CMTM7: variants seen among roughly 807,000 people sequenced by gnomAD.
The protein encoded by CMTM7 is CKLF like MARVEL transmembrane domain containing 7, also known as CKLF-like MARVEL transmembrane domain-containing protein 7.
CMTM7 carries 7 observed loss-of-function variants against 19.3 expected under a neutral mutation model. That is an observed-to-expected ratio of 0.36 (90% CI 0.21 to 0.68). The LOEUF is 0.68. CMTM7 is among the 30% of genes least tolerant of loss of function. The probability of loss-of-function intolerance (pLI) is 0.60; values close to 1 mark genes in which losing one functional copy is unlikely to be tolerated. For missense variants in CMTM7, 193 were observed against 232.6 expected (o/e 0.83, Z 1.11); for synonymous variants, 87 against 99.3 (o/e 0.88, Z 0.74).
chr3:32,401,533 G>A (rs1262285068), intron 1 of CMTM7, among the ~76,000 whole-genome samples: 1 of 152,246 alleles, frequency 6.6e-6, no homozygotes, highest in Non-Finnish European at 1.5e-5. Flanking sequence ...GATTCCCTGT[G>A]TGGGCCGGTG....
intron 1 of CMTM7, 33 bp from the exon 2 acceptor site, chr3:32,441,807 A>G: frequency 6.2e-7 from 1 of 1,604,044 alleles, no homozygotes; most frequent in African/African-American, 1.3e-5. Context: ...GTCTTGGGCA[A>G]GCATTTCTCT....
chr3:32,441,333 G>T (rs993431452), intron 1 of CMTM7, among the ~76,000 whole-genome samples: 2 of 152,212 alleles, frequency 1.3e-5, no homozygotes. Context: ...GCGAGATCAC[G>T]TATGTCAGAC....
intron 1 of CMTM7, among the ~76,000 whole-genome samples, chr3:32,440,070 TACACACACACACACAC>T (rs10526471): frequency 0.14 from 20,894 of 150,068 alleles, 1,584 homozygotes; most frequent in Middle Eastern, 0.18. Flanking sequence ...ACCACACGCA[TACACACACACACACAC>T]ACACACACAC....
At chr3:32,442,154 T>C in intron 2 of CMTM7, 141 bp downstream of exon 2, 3 of 753,788 alleles carry the variant, frequency 4.0e-6, no homozygotes, top group Non-Finnish European at 6.4e-6. Flanking sequence ...AATTTCCTAT[T>C]GTTTGGTGGA....
intron 2 of CMTM7, among the ~76,000 whole-genome samples, chr3:32,443,703 G>A (rs76286294): frequency 0.017 from 2,557 of 152,276 alleles, 75 homozygotes; most frequent in African/African-American, 0.056. Context: ...GAAGGTTCCA[G>A]TTTCACAACA....
Position 32,391,899 on chromosome 3 carries a change from G to T in CMTM7, c.-8G>T, listed in dbSNP as rs940561578. ...CCGGGGAGGCGGCCAGCGAGCTGGGGCCGCGCAATGTCGCACGGAGCCGGG... is the reference window on the plus strand; with the variant it reads ...CCGGGGAGGCGGCCAGCGAGCTGGGTCCGCGCAATGTCGCACGGAGCCGGG... On this transcript the variant is annotated 5_prime_UTR_variant, in exon 1 of 5. Coordinates refer to ENST00000334983, the MANE Select transcript of CMTM7 (RefSeq NM_138410.4). 9 of 1,218,296 alleles carry T rather than the reference G, an allele frequency of 7.4e-6. No homozygotes were observed. Among genetic ancestry groups the T allele is most frequent in the Admixed American group, 8.6e-5 (2 of 23,132 alleles). 75.5% of individuals were successfully genotyped at this position (1,218,296 alleles called of 1,614,324 possible). A position where few individuals can be genotyped will look rare whatever the true frequency, so the allele number is the denominator to read the frequency against.
intron 1 of CMTM7, among the ~76,000 whole-genome samples, chr3:32,403,927 G>GA (rs2125621467): frequency 6.6e-6 from 1 of 152,220 alleles, no homozygotes; most frequent in African/African-American, 2.4e-5. Flanking sequence ...CTGGAGTGGG[G>GA]AAAACTCCTC....
intron 1 of CMTM7, among the ~76,000 whole-genome samples, chr3:32,435,179 G>A (rs1455818529): frequency 6.6e-6 from 1 of 152,146 alleles, no homozygotes; most frequent in African/African-American, 2.4e-5. Flanking sequence ...CGAGGCGGGT[G>A]GATCACGAGG....
At chr3:32,404,152 CTTTTTTTTTCTTTTTT>C (rs1696055304) in intron 1 of CMTM7, among the ~76,000 whole-genome samples, 1 of 131,994 alleles carries the variant, frequency 7.6e-6, no homozygotes, top group Non-Finnish European at 1.6e-5. Flanking sequence ...CTTTTTTTTT[CTTTTTTTTTCTTTTTT>C]TTTTTTTTTG....
intron 1 of CMTM7, among the ~76,000 whole-genome samples, chr3:32,441,488 C>T (rs1487380961): frequency 1.3e-5 from 2 of 152,194 alleles, no homozygotes; most frequent in African/African-American, 4.8e-5. Flanking sequence ...ACGCTGTCCT[C>T]TTTGCTCTAT....
At chr3:32,431,411 T>C (rs1696516847) in intron 1 of CMTM7, among the ~76,000 whole-genome samples, 1 of 152,136 alleles carries the variant, frequency 6.6e-6, no homozygotes, top group Admixed American at 6.5e-5. Context: ...AGTAACACTT[T>C]TTTTTTTTAA....
chr3:32,401,095 T>C (rs1695995578), intron 1 of CMTM7, among the ~76,000 whole-genome samples: 1 of 152,216 alleles, frequency 6.6e-6, no homozygotes, highest in Admixed American at 6.5e-5. Context: ...GTAATCATAT[T>C]TTTGGTGTCT....
At chr3:32,439,644 G>A (rs1003441571) in intron 1 of CMTM7, among the ~76,000 whole-genome samples, 1 of 152,196 alleles carries the variant, frequency 6.6e-6, no homozygotes, top group East Asian at 1.9e-4. Context: ...TGTAGAGACA[G>A]GGTCTTGCTT....
At chr3:32,441,745 G>A in intron 1 of CMTM7, 95 bp from the exon 2 acceptor site, 7 of 1,042,902 alleles carry the variant, frequency 6.7e-6, no homozygotes, top group South Asian at 1.4e-5. Context: ...CTTCAATGTG[G>A]GCCTGCTGGG....
intron 1 of CMTM7, among the ~76,000 whole-genome samples, chr3:32,426,786 A>G (rs1696440055): frequency 6.6e-6 from 1 of 152,236 alleles, no homozygotes; most frequent in African/African-American, 2.4e-5. Flanking sequence ...TAAAATTATT[A>G]GAGGTGAAGT....
intron 3 of CMTM7, 148 bp from the exon 4 acceptor site, chr3:32,452,244 G>T: frequency 6.5e-7 from 1 of 1,544,940 alleles, no homozygotes; most frequent in Admixed American, 1.9e-5. Context: ...ACCTGATCCA[G>T]GATGAGGTGG....
At chr3:32,430,444 C>A (rs979506370) in intron 1 of CMTM7, among the ~76,000 whole-genome samples, 1 of 152,284 alleles carries the variant, frequency 6.6e-6, no homozygotes, top group Admixed American at 6.5e-5. Flanking sequence ...GCCATTTTTA[C>A]TGTTGAGAAT....
chr3:32,408,234 G>T (rs1191211157), intron 1 of CMTM7, among the ~76,000 whole-genome samples: 2 of 152,212 alleles, frequency 1.3e-5, no homozygotes, highest in East Asian at 1.9e-4. Flanking sequence ...AACTGTGAGA[G>T]AATAGATTTC....
intron 1 of CMTM7, among the ~76,000 whole-genome samples, chr3:32,424,235 A>G (rs540989084): frequency 1.4e-4 from 21 of 152,146 alleles, no homozygotes; most frequent in South Asian, 2.1e-4. Flanking sequence ...TGGCCTCTCC[A>G]GTGCTCTAAG....
Sources: allele counts gnomAD v4.1 joint callset (sites outside exome capture counted in the v4.1 genomes callset), GRCh38; gene constraint gnomAD v4.1.1; transcripts MANE v1.5; gene names NCBI Gene and HGNC (gene_info 2026-07-23, HGNC 2026-07-21).